XKR5: variants seen among roughly 807,000 people sequenced by gnomAD.
The protein encoded by XKR5 is XK-related protein 5.
Under a neutral mutation model 40.8 loss-of-function variants are expected in XKR5, and 46 were observed. The ratio of observed to expected loss-of-function variants is 1.13; its 90% CI spans 0.89 to 1.44. XKR5 has a LOEUF of 1.44. XKR5 is among the 40% of genes most tolerant of loss of function. The pLI is 0.00. For synonymous variants in XKR5, 466 were observed against 356.1 expected, an observed-to-expected ratio of 1.31 and a Z score of -3.48; for missense variants, 1,169 against 844.7, an observed-to-expected ratio of 1.38 and a Z score of -4.76.
intron 5 of XKR5, among the ~76,000 whole-genome samples, chr8:6,818,249 C>T (rs549766312): frequency 2.6e-5 from 4 of 152,322 alleles, no homozygotes; most frequent in Admixed American, 6.5e-5. Context: ...AACGTTCTAG[C>T]GCCGTCCACA....
At chr8:6,817,030 A>G (rs1803989871) in intron 5 of XKR5, among the ~76,000 whole-genome samples, 1 of 151,274 alleles carries the variant, frequency 6.6e-6, no homozygotes, top group African/African-American at 2.4e-5. Flanking sequence ...TTCTCTCCCC[A>G]CTCCTCAGCT....
chr8:6,828,917 A>G (rs1051256984), intron 2 of XKR5, among the ~76,000 whole-genome samples: 4 of 152,136 alleles, frequency 2.6e-5, no homozygotes, highest in Non-Finnish European at 4.4e-5. Flanking sequence ...CTTACCCTTT[A>G]GTCTCAAGAA....
At chr8:6,824,135 C>T (rs1413404574) in intron 3 of XKR5, among the ~76,000 whole-genome samples, 1 of 152,152 alleles carries the variant, frequency 6.6e-6, no homozygotes, top group Non-Finnish European at 1.5e-5. Flanking sequence ...GCTGTTTTAT[C>T]CATATGAAGG....
intron 6 of XKR5, among the ~76,000 whole-genome samples, chr8:6,812,855 C>T (rs1257544232): frequency 6.6e-6 from 1 of 152,188 alleles, no homozygotes; most frequent in Non-Finnish European, 1.5e-5. Context: ...ATCAAAAACC[C>T]CATATCAAGG....
intron 3 of XKR5, 97 bp from the exon 4 acceptor site, chr8:6,823,827 T>G: frequency 1.9e-6 from 2 of 1,065,766 alleles, no homozygotes; most frequent in South Asian, 2.9e-5. Context: ...ATGGGATGTG[T>G]AACCTCTTGT....
At position 6,811,920 on chromosome 8, in the gene XKR5, T is replaced by G. The variant is rs1372185328; in HGVS notation, c.1339A>C (p.Lys447Gln). The G allele has an allele frequency of 3.3e-6, 5 of 1,537,258 alleles. No individual in the cohort carries two copies. In the Admixed American group the frequency reaches 5.9e-5, roughly 18 times the overall value. The change falls in exon 7 of 7, where the codon AAG becomes CAG. Residue 447 changes from lysine to glutamine, a missense_variant. Coordinates refer to ENST00000618742, the MANE Select transcript of XKR5 (RefSeq NM_207411.5). Reference sequence around the variant, plus strand: ...AGCTCTTGCTGGGCAGACAAGGCCTTTCTCTGCAGGTAGTCCTGTTGACTC... The same window carrying G: ...AGCTCTTGCTGGGCAGACAAGGCCTGTCTCTGCAGGTAGTCCTGTTGACTC... ...GLSQQDYLQR[K>Q]ALSAQQELPS...
chr8:6,833,761 C>G (rs931029112), intron 1 of XKR5, among the ~76,000 whole-genome samples: 2 of 152,202 alleles, frequency 1.3e-5, no homozygotes, highest in African/African-American at 4.8e-5. Context: ...GTCCCCATCA[C>G]CAGCAAGAGT....
At chr8:6,819,159 C>T (rs1019329491) in intron 5 of XKR5, among the ~76,000 whole-genome samples, 1 of 152,214 alleles carries the variant, frequency 6.6e-6, no homozygotes, top group South Asian at 2.1e-4. Context: ...TTGGGTTGGC[C>T]CTGGGCTACG....
intron 2 of XKR5, among the ~76,000 whole-genome samples, chr8:6,831,528 A>G (rs1166064171): frequency 1.3e-5 from 2 of 152,122 alleles, no homozygotes; most frequent in East Asian, 3.9e-4. Flanking sequence ...GTGATGCTCT[A>G]TGTGGGGCTC....
intron 6 of XKR5, among the ~76,000 whole-genome samples, chr8:6,813,904 T>C (rs1443744859): frequency 6.6e-6 from 1 of 152,148 alleles, no homozygotes; most frequent in East Asian, 1.9e-4. Context: ...TCTGAGTCAG[T>C]GTTAAAATCC....
chr8:6,813,779 C>T (rs77945811), intron 6 of XKR5, among the ~76,000 whole-genome samples: 1,678 of 152,266 alleles, frequency 0.011, 33 homozygotes, highest in African/African-American at 0.039. Flanking sequence ...CCAGCTGTGC[C>T]GTGGGCCAGC....
chr8:6,818,918 C>T (rs1804090810), intron 5 of XKR5, among the ~76,000 whole-genome samples: 4 of 152,154 alleles, frequency 2.6e-5, no homozygotes, highest in Admixed American at 6.5e-5. Flanking sequence ...GGTATGCACC[C>T]GTGATCCCAG....
intron 6 of XKR5, among the ~76,000 whole-genome samples, chr8:6,814,556 T>C (rs1194593728): frequency 6.6e-6 from 1 of 152,114 alleles, no homozygotes; most frequent in African/African-American, 2.4e-5. Flanking sequence ...ACGTACTACT[T>C]TGAGATCCTG....
intron 2 of XKR5, chr8:6,829,145 T>G (rs1308061432): frequency 1.2e-5 from 2 of 166,386 alleles, no homozygotes; most frequent in Non-Finnish European, 2.9e-5. Context: ...CTCCACCCAT[T>G]TATGCTGAAC....
intron 2 of XKR5, among the ~76,000 whole-genome samples, chr8:6,830,275 G>A (rs920849031): frequency 6.6e-6 from 1 of 152,170 alleles, no homozygotes; most frequent in African/African-American, 2.4e-5. Flanking sequence ...AATTGTTTTG[G>A]CTCCCCCTAC....
chr8:6,828,584 G>A (rs1385626969), intron 2 of XKR5, among the ~76,000 whole-genome samples: 5 of 152,178 alleles, frequency 3.3e-5, no homozygotes, highest in Admixed American at 3.3e-4. Context: ...GGGATGGAGA[G>A]CGTGGGGATT....
chr8:6,831,744 A>G lies in XKR5; in HGVS notation c.242+973T>C, dbSNP rs188235105. On this transcript the variant is annotated intron_variant, in intron 2 of 6. Coordinates refer to ENST00000618742, the MANE Select transcript of XKR5 (RefSeq NM_207411.5). ...TAAAAAAAATCCTGTGGCCAGGTGCAGTGGCTCACGCCTGTAATCCCAGCA... is the reference window on the plus strand; with the variant it reads ...TAAAAAAAATCCTGTGGCCAGGTGCGGTGGCTCACGCCTGTAATCCCAGCA... 4.9e-3 allele frequency among the ~76,000 whole-genome samples: 752 copies of G among 152,236 alleles called. 1 individual carries two copies. Among genetic ancestry groups the G allele is most frequent in the African/African-American group, 8.0e-3 (332 of 41,546 alleles).
intron 2 of XKR5, among the ~76,000 whole-genome samples, chr8:6,827,537 TC>T (rs1322539189): frequency 6.6e-6 from 1 of 152,192 alleles, no homozygotes; most frequent in Non-Finnish European, 1.5e-5. Flanking sequence ...AAAACAACTT[TC>T]CTTTTTCATG....
chr8:6,821,322 ATT>A (rs1038057823), intron 5 of XKR5, among the ~76,000 whole-genome samples: 18 of 152,184 alleles, frequency 1.2e-4, no homozygotes, highest in African/African-American at 3.9e-4. Context: ...AGTCCCAGAC[ATT>A]TTTTTCTCTC....
Sources: allele counts gnomAD v4.1 joint callset (sites outside exome capture counted in the v4.1 genomes callset), GRCh38; gene constraint gnomAD v4.1.1; transcripts MANE v1.5; gene names NCBI Gene and HGNC (gene_info 2026-07-23, HGNC 2026-07-21).